The following TMEM109 variants were observed in gnomAD, a reference collection of about 807,000 sequenced individuals.
TMEM109 encodes the protein transmembrane protein 109, also known as voltage-gated monoatomic cation channel TMEM109.
TMEM109 carries 19 observed loss-of-function variants against 26.4 expected under a neutral mutation model. That is an observed-to-expected ratio of 0.72 (90% CI 0.50 to 1.06). The LOEUF (loss-of-function observed/expected upper bound fraction) is 1.06, where lower values mean the gene tolerates loss of function less well. Among genes scored for constraint, TMEM109 ranks in the 50% least tolerant of loss-of-function variants. TMEM109 has a pLI of 0.00. For missense variants in TMEM109, 262 were observed against 303.4 expected (o/e 0.86, Z 1.01); for synonymous variants, 129 against 142.0 (o/e 0.91, Z 0.65).
Position 60,920,914 on chromosome 11 carries a change from C to A in TMEM109, c.266C>A (p.Ser89Ter). Residue 89 changes from serine to a stop codon, truncating the protein, a stop_gained, in exon 3 of 4, where the codon TCA becomes TAA. Transcript: ENST00000227525. LOFTEE classifies it high-confidence loss of function. ...TCGTCCCAAGTGTTGTGGGCCATCTCATCAGCCATTTCTGTGGCCTTCTTT... is the reference window on the plus strand; with the variant it reads ...TCGTCCCAAGTGTTGTGGGCCATCTAATCAGCCATTTCTGTGGCCTTCTTT... ...ESSSQVLWAISSAISVAFFAL... is the reference protein window; with the variant it reads ...ESSSQVLWAI The A allele has an allele frequency of 6.2e-7, 1 of 1,614,156 alleles. No individual in the cohort carries two copies. The highest frequency in any genetic ancestry group is 8.5e-7 in the Non-Finnish European group (1 of 1,179,988).
chr11:60,921,696 C>A, intron 3 of TMEM109, 78 bp from the exon 4 acceptor site: 1 of 1,125,148 alleles, frequency 8.9e-7, no homozygotes, highest in Non-Finnish European at 1.3e-6. Flanking sequence ...TAGCACCTCC[C>A]ACCCTTTTAG....
chr11:60,915,050 T>C (rs1472996665), intron 1 of TMEM109, among the ~76,000 whole-genome samples: 1 of 152,282 alleles, frequency 6.6e-6, no homozygotes, highest in African/African-American at 2.4e-5. Flanking sequence ...AATATTCATT[T>C]AATAAACATT....
In TMEM109 at chr11:60,916,433, T is replaced by A. The variant is rs1235595196; in HGVS notation, c.-9+2165T>A. Among the ~76,000 whole-genome samples, 4 of 152,216 alleles carry A rather than the reference T, an allele frequency of 2.6e-5. No individual in the cohort carries two copies. The South Asian group carries it at 8.3e-4, about 31-fold the overall frequency. On this transcript the variant is annotated intron_variant, in intron 1 of 3. Coordinates refer to ENST00000227525, the MANE Select transcript of TMEM109 (RefSeq NM_024092.3). ...AGGCATTGCAGAAGGTGAAGAAGTT[T>A]TAAGACATGCTTCCTCCTCTCAGAG...
chr11:60,920,825 G>A, intron 2 of TMEM109, 61 bp from the exon 3 acceptor site: 2 of 1,387,200 alleles, frequency 1.4e-6, no homozygotes, highest in Non-Finnish European at 1.0e-6. Context: ...GTGGTGATCA[G>A]GCGTGAAGGC....
In TMEM109 at chr11:60,919,611, T is replaced by G. The variant is rs1856210189; in HGVS notation, c.-8-75T>G. The G allele has an allele frequency of 5.7e-6, 7 of 1,232,146 alleles. No homozygotes were observed. In the South Asian group the frequency reaches 8.6e-5, roughly 15 times the overall value. The allele number at this position is 1,232,146 out of a possible 1,614,324, so 76.3% of individuals were successfully genotyped here. A position where few individuals can be genotyped will look rare whatever the true frequency, so the allele number is the denominator to read the frequency against. On this transcript the variant is annotated intron_variant, in intron 1 of 3. Coordinates refer to ENST00000227525, the MANE Select transcript of TMEM109 (RefSeq NM_024092.3). ...TGCTTGGGGTAGGGGTGGAGAAGGA[T>G]GTTGGGATAATCAGAGCTGAGAGGG...
intron 3 of TMEM109, among the ~76,000 whole-genome samples, 192 bp from the exon 4 acceptor site, chr11:60,921,582 C>A (rs1856239418): frequency 1.3e-5 from 2 of 152,228 alleles, no homozygotes; most frequent in Non-Finnish European, 2.9e-5. Flanking sequence ...TCAACAGAAG[C>A]AAGTAATCTA....
chr11:60,917,355 A>T (rs1385553126), intron 1 of TMEM109, among the ~76,000 whole-genome samples: 2 of 152,172 alleles, frequency 1.3e-5, no homozygotes, highest in Non-Finnish European at 2.9e-5. Context: ...TCTGATCATC[A>T]GGTCTGAATC....
At chr11:60,920,049 C>A in intron 2 of TMEM109, 119 bp downstream of exon 2, 2 of 825,696 alleles carry the variant, frequency 2.4e-6, no homozygotes, top group Non-Finnish European at 3.9e-6. Context: ...CCCCAAATTC[C>A]ACAAAAAGAA....
intron 1 of TMEM109, among the ~76,000 whole-genome samples, chr11:60,919,442 A>G (rs1467246894): frequency 6.6e-6 from 1 of 152,248 alleles, no homozygotes; most frequent in Non-Finnish European, 1.5e-5. Context: ...GTTGAATAAT[A>G]CTTGCTGGTT....
intron 1 of TMEM109, among the ~76,000 whole-genome samples, chr11:60,917,456 G>A (rs1426959422): frequency 6.6e-6 from 1 of 152,186 alleles, no homozygotes; most frequent in Non-Finnish European, 1.5e-5. Flanking sequence ...AAGCACAGTG[G>A]CAAGTAGAAG....
In TMEM109 at chr11:60,922,331, T is replaced by C. The variant is rs746705399; in HGVS notation, c.*166T>C. 6 of 1,535,794 alleles carry C rather than the reference T, an allele frequency of 3.9e-6. No homozygotes were observed. In the African/African-American group the frequency reaches 4.1e-5, roughly 10 times the overall value. On this transcript the variant is annotated 3_prime_UTR_variant, in exon 4 of 4. Transcript: ENST00000227525. Reference sequence around the variant, plus strand: ...AGCCAAGAGAAACAGAGAAAGACCATTCCCCCTGCCTGTCCTTGCGGCCCT... The same window carrying C: ...AGCCAAGAGAAACAGAGAAAGACCACTCCCCCTGCCTGTCCTTGCGGCCCT...
chr11:60,922,561 T>C lies in TMEM109; in HGVS notation c.*396T>C. On this transcript the variant is annotated 3_prime_UTR_variant, in exon 4 of 4. Coordinates refer to ENST00000227525, the MANE Select transcript of TMEM109 (RefSeq NM_024092.3). Reference sequence around the variant, plus strand: ...CCTAATGCTCGTGCTCTCCTGTCCTTCTGAAGTTGCTCCTTGGCCAAATCT... The same window carrying C: ...CCTAATGCTCGTGCTCTCCTGTCCTCCTGAAGTTGCTCCTTGGCCAAATCT... 1 of 401,808 alleles carries C rather than the reference T, an allele frequency of 2.5e-6. No individual in the cohort carries two copies. Among genetic ancestry groups the C allele is most frequent in the Non-Finnish European group, 4.6e-6 (1 of 216,240 alleles). The allele number at this position is 401,808 out of a possible 1,614,324, so 24.9% of individuals were successfully genotyped here. A position where few individuals can be genotyped will look rare whatever the true frequency, so the allele number is the denominator to read the frequency against.
chr11:60,920,198 G>A (rs962074838), intron 2 of TMEM109, among the ~76,000 whole-genome samples: 13 of 152,174 alleles, frequency 8.5e-5, no homozygotes, highest in Admixed American at 6.5e-4. Flanking sequence ...ATAAGCCCAT[G>A]TTACTGGGTG....
intron 1 of TMEM109, chr11:60,918,499 A>C (rs1856196895): frequency 6.6e-6 from 1 of 152,198 alleles, no homozygotes; most frequent in African/African-American, 2.4e-5. Flanking sequence ...TCCCAAGATA[A>C]CGGCATTAAT....
At position 60,922,181 on chromosome 11, in the gene TMEM109, C is replaced by T. The variant is rs887919995; in HGVS notation, c.*16C>T. 7 of 1,564,346 alleles carry T rather than the reference C, an allele frequency of 4.5e-6. No individual in the cohort carries two copies. Among genetic ancestry groups the T allele is most frequent in the Admixed American group, 3.8e-5 (2 of 52,880 alleles). ...GGAGGAGTGAGCCGGATGCCCCACA[C>T]ACCGCCAGTGTCATACCAAAGAGCT... On this transcript the variant is annotated 3_prime_UTR_variant, in exon 4 of 4. Coordinates refer to ENST00000227525, the MANE Select transcript of TMEM109 (RefSeq NM_024092.3).
At chr11:60,921,166 C>T (rs1036645096) in intron 3 of TMEM109, among the ~76,000 whole-genome samples, 178 bp downstream of exon 3, 2 of 152,126 alleles carry the variant, frequency 1.3e-5, no homozygotes, top group Admixed American at 6.5e-5. Context: ...TGGTGGCTCC[C>T]GCCTGTAATC....
At position 60,920,908 on chromosome 11, in the gene TMEM109, C is replaced by T. The variant is rs765640804; in HGVS notation, c.260C>T (p.Ala87Val). 1 of 1,614,100 alleles carries T rather than the reference C, an allele frequency of 6.2e-7. No homozygotes were observed. Among genetic ancestry groups the T allele is most frequent in the East Asian group, 2.2e-5 (1 of 44,884 alleles). ...VSESSSQVLW[A>V]ISSAISVAFF... ...CAGTCTTCGTCCCAAGTGTTGTGGGCCATCTCATCAGCCATTTCTGTGGCC... is the reference window on the plus strand; with the variant it reads ...CAGTCTTCGTCCCAAGTGTTGTGGGTCATCTCATCAGCCATTTCTGTGGCC... Residue 87 changes from alanine to valine, a missense_variant, in exon 3 of 4, where the codon GCC becomes GTC. By Grantham distance (64) the Ala-to-Val change is moderately conservative. Transcript: ENST00000227525.
intron 1 of TMEM109, among the ~76,000 whole-genome samples, chr11:60,914,542 G>T (rs1856151073): frequency 6.6e-6 from 1 of 152,346 alleles, no homozygotes; most frequent in African/African-American, 2.4e-5. Context: ...GCTCCCGGGC[G>T]TGGGGACCAG....
rs912213717 is a variant in TMEM109, at chr11:60,914,426, C to T, written c.-9+158C>T. ...GAAACAAACCGGGGACCCGGATCCCCGTTGCTATGCAACCGGGGGCGTCGT... is the reference window on the plus strand; with the variant it reads ...GAAACAAACCGGGGACCCGGATCCCTGTTGCTATGCAACCGGGGGCGTCGT... On this transcript the variant is annotated intron_variant, in intron 1 of 3. Coordinates refer to ENST00000227525, the MANE Select transcript of TMEM109 (RefSeq NM_024092.3). Among the ~76,000 whole-genome samples, 7 of 152,216 alleles carry T rather than the reference C, an allele frequency of 4.6e-5. 1 individual carries two copies. The highest frequency in any genetic ancestry group is 3.9e-4 in the Admixed American group (6 of 15,290).
Sources: allele counts gnomAD v4.1 joint callset (sites outside exome capture counted in the v4.1 genomes callset), GRCh38; gene constraint gnomAD v4.1.1; transcripts MANE v1.5; gene names NCBI Gene and HGNC (gene_info 2026-07-23, HGNC 2026-07-21).